STK3: variants seen among roughly 807,000 people sequenced by gnomAD.
STK3 encodes the protein serine/threonine kinase 3.
In STK3, 41 loss-of-function variants were observed where a neutral mutation model predicts 58.0. The ratio of observed to expected loss-of-function variants is 0.71; its 90% CI spans 0.55 to 0.92. STK3 has a LOEUF of 0.92. Among genes scored for constraint, STK3 ranks in the 40% least tolerant of loss-of-function variants. The pLI, the probability that STK3 is intolerant of heterozygous loss-of-function variation, is 0.00. For synonymous variants in STK3, 170 were observed against 191.0 expected (o/e 0.89, Z 0.91); for missense variants, 479 against 602.7 (o/e 0.79, Z 2.15).
At chr8:98,509,818 A>G (rs960516614) in intron 10 of STK3, among the ~76,000 whole-genome samples, 4 of 151,996 alleles carry the variant, frequency 2.6e-5, no homozygotes, top group African/African-American at 9.7e-5. Flanking sequence ...CTATTTTTCT[A>G]CTCATAAGTT....
At chr8:98,671,580 TTTG>T in intron 6 of STK3, among the ~76,000 whole-genome samples, 1 of 152,172 alleles carries the variant, frequency 6.6e-6, no homozygotes, top group East Asian at 1.9e-4. Flanking sequence ...GGGGTTTTTT[TTTG>T]TTTTTTGTTT....
intron 1 of STK3, among the ~76,000 whole-genome samples, chr8:98,917,436 A>C (rs931734385): frequency 5.3e-5 from 8 of 152,168 alleles, no homozygotes; most frequent in African/African-American, 1.4e-4. Flanking sequence ...TGTGACCCCC[A>C]AAAATTCATA....
chr8:98,598,999 T>A, intron 6 of STK3: 1 of 647,382 alleles, frequency 1.5e-6, no homozygotes, highest in Non-Finnish European at 1.9e-6. Flanking sequence ...AAAATGAGAA[T>A]CAACAATGAC....
rs147671773 is a variant in STK3 at position 98,916,141 on chromosome 8, G to C, written c.-79+26237C>G. On this transcript the variant is annotated intron_variant, in intron 1 of 1. Coordinates refer to the STK3 transcript ENST00000519420. ...AAAAAAATACGAAAACTGGCCCGTC[G>C]TGGTGGCTCACGCCTGTAATCCCAG... 3.2e-3 allele frequency among the ~76,000 whole-genome samples: 482 copies of C among 152,282 alleles called. 3 individuals are homozygous for C. Among genetic ancestry groups the C allele is most frequent in the African/African-American group, 0.01 (429 of 41,554 alleles).
downstream of STK3, among the ~76,000 whole-genome samples, chr8:98,368,640 T>G (rs145388683): frequency 4.5e-3 from 688 of 152,272 alleles, 7 homozygotes; most frequent in African/African-American, 0.016. Context: ...GTCTCCTGCA[T>G]TCACAAAAGC....
intron 1 of STK3, among the ~76,000 whole-genome samples, chr8:98,910,368 G>C (rs1839081135): frequency 6.6e-6 from 1 of 152,110 alleles, no homozygotes; most frequent in South Asian, 2.1e-4. Flanking sequence ...TCCATATTAA[G>C]TTTTTTAGTA....
intron 6 of STK3, among the ~76,000 whole-genome samples, chr8:98,654,102 G>A (rs927138440): frequency 1.8e-4 from 27 of 152,096 alleles, no homozygotes; most frequent in African/African-American, 5.8e-4. Context: ...CTGACAAACC[G>A]CATCCAGCAG....
chr8:98,416,831 G>T (rs942736920), intron 3 of STK3, among the ~76,000 whole-genome samples: 4 of 152,172 alleles, frequency 2.6e-5, no homozygotes, highest in Non-Finnish European at 5.9e-5. Flanking sequence ...TGTCACTCGT[G>T]GGGAACATCT....
chr8:98,370,922 T>C (rs1173607260), downstream of STK3, among the ~76,000 whole-genome samples: 2 of 152,184 alleles, frequency 1.3e-5, no homozygotes, highest in Admixed American at 6.5e-5. Context: ...ATACAAAATA[T>C]TGTAAAATGT....
At chr8:98,807,686 G>T (rs1430901156) in intron 1 of STK3, among the ~76,000 whole-genome samples, 2 of 152,102 alleles carry the variant, frequency 1.3e-5, no homozygotes, top group Admixed American at 6.5e-5. Context: ...ACTCACCAAG[G>T]AAATAACTAT....
At chr8:98,348,657 T>G in the STK3 span, among the ~76,000 whole-genome samples, 2 of 152,190 alleles carry the variant, frequency 1.3e-5, no homozygotes, top group African/African-American at 4.8e-5. Context: ...AATAAGTGTA[T>G]GAAAAGATGT....
At chr8:98,506,510 G>C (rs1824093258) in intron 10 of STK3, among the ~76,000 whole-genome samples, 3 of 152,110 alleles carry the variant, frequency 2.0e-5, no homozygotes, top group South Asian at 4.1e-4. Context: ...GACCGGAGCT[G>C]TTCCTATTTG....
chr8:98,789,356 C>T (rs1213982768), intron 1 of STK3, among the ~76,000 whole-genome samples: 1 of 151,738 alleles, frequency 6.6e-6, no homozygotes, highest in Non-Finnish European at 1.5e-5. Flanking sequence ...ACCTAGAGAA[C>T]CAAGAACAAA....
intron 6 of STK3, among the ~76,000 whole-genome samples, chr8:98,605,866 T>C (rs574622613): frequency 6.6e-6 from 1 of 152,162 alleles, no homozygotes; most frequent in African/African-American, 2.4e-5. Context: ...TGAGTTATCA[T>C]AAGATGTGGT....
intron 4 of STK3, among the ~76,000 whole-genome samples, chr8:98,712,825 A>G (rs925734324): frequency 2.6e-5 from 4 of 152,202 alleles, no homozygotes; most frequent in African/African-American, 9.7e-5. Flanking sequence ...AATCAACAGA[A>G]TATACATTCT....
intron 6 of STK3, among the ~76,000 whole-genome samples, chr8:98,691,992 T>C (rs1226781623): frequency 6.7e-6 from 1 of 150,256 alleles, no homozygotes; most frequent in Non-Finnish European, 1.5e-5. Context: ...ATATACATAA[T>C]GGATAATGGA....
chr8:98,474,555 T>C (rs1401877038), intron 10 of STK3, among the ~76,000 whole-genome samples: 1 of 152,196 alleles, frequency 6.6e-6, no homozygotes, highest in African/African-American at 2.4e-5. Context: ...ATTAAATGAT[T>C]ACATGCCTTT....
intron 2 of STK3, among the ~76,000 whole-genome samples, chr8:98,770,918 T>C (rs750456637): frequency 1.3e-4 from 20 of 152,190 alleles, no homozygotes; most frequent in Non-Finnish European, 2.1e-4. Flanking sequence ...ATATTAAAGT[T>C]ACACTAGCTT....
At chr8:98,740,486 G>A (rs946612030) in intron 4 of STK3, among the ~76,000 whole-genome samples, 5 of 152,102 alleles carry the variant, frequency 3.3e-5, no homozygotes, top group African/African-American at 1.2e-4. Flanking sequence ...TTCATATCCA[G>A]CCAAACTAAG....
Sources: gnomAD v4.1 joint callset for allele counts (sites outside exome capture counted in the v4.1 genomes callset) on GRCh38, gnomAD v4.1.1 for gene constraint, MANE v1.5 for transcripts, NCBI Gene and HGNC (gene_info 2026-07-23, HGNC 2026-07-21) for gene names.